SYT2: variants seen among roughly 807,000 people sequenced by gnomAD.
SYT2 encodes the protein synaptotagmin-2.
Under a neutral mutation model 39.9 loss-of-function variants are expected in SYT2, and 15 were observed. The ratio of observed to expected loss-of-function variants is 0.38; its 90% CI spans 0.25 to 0.58. The LOEUF is 0.58. SYT2 is among the 20% of genes least tolerant of loss of function. The pLI, the probability that SYT2 is intolerant of heterozygous loss-of-function variation, is 0.70. For missense variants in SYT2, 389 were observed against 530.3 expected, an observed-to-expected ratio of 0.73 and a Z score of 2.62; for synonymous variants, 181 against 204.5, an observed-to-expected ratio of 0.89 and a Z score of 0.98.
In SYT2 at chr1:202,623,514, G is replaced by A. The variant is rs1020765631; in HGVS notation, c.-17-17725C>T. 2.6e-5 allele frequency among the ~76,000 whole-genome samples: 4 copies of A among 152,254 alleles called. No individual in the cohort carries two copies. The highest frequency in any genetic ancestry group is 9.6e-5 in the African/African-American group (4 of 41,462). On this transcript the variant is annotated intron_variant, in intron 1 of 8. Transcript: ENST00000367268. This position sits in a 1 kb window ranked among gnomAD's most constrained non-coding sequence, Gnocchi z 4.2. ...CAGCTGTCCTGGGGCGGAGGAGAGG[G>A]TCTTCCATTGGTTGGGTGTCAAGAT...
rs1380621171 is a variant in SYT2, at chr1:202,601,020, A to G, written c.802-546T>C. ...CGGAGCAATTTGCATCCCTTTTGTT[A>G]CTATCACTGCAACTCTTTGATGTAA... On this transcript the variant is annotated intron_variant, in intron 6 of 8. Transcript: ENST00000367268. The surrounding 1 kb of genome is among the most constrained non-coding windows in gnomAD (Gnocchi z 4.0). Among the ~76,000 whole-genome samples, 7 of 152,140 alleles carry G rather than the reference A, an allele frequency of 4.6e-5. No homozygotes were observed. Among genetic ancestry groups the G allele is most frequent in the Admixed American group, 3.3e-4 (5 of 15,278 alleles).
intron 1 of SYT2, among the ~76,000 whole-genome samples, chr1:202,697,392 C>G (rs1343833219): frequency 6.6e-6 from 1 of 152,258 alleles, no homozygotes. Flanking sequence ...GAGGGAGGCA[C>G]CTCTGCCCAT....
intron 1 of SYT2, among the ~76,000 whole-genome samples, chr1:202,706,243 G>A (rs1167503742): frequency 2.6e-5 from 4 of 152,008 alleles, no homozygotes; most frequent in Admixed American, 6.6e-5. Flanking sequence ...CATAAAAACC[G>A]TCTTCGAGTG....
At chr1:202,639,241 C>G (rs1333428614) in intron 1 of SYT2, among the ~76,000 whole-genome samples, 5 of 152,202 alleles carry the variant, frequency 3.3e-5, no homozygotes, top group Non-Finnish European at 2.9e-5. Context: ...ACCCCATGAT[C>G]TCAGTATCTA....
In SYT2 at chr1:202,687,245, G is replaced by A. The variant is rs572790915; in HGVS notation, c.-18+23013C>T. On this transcript the variant is annotated intron_variant, in intron 1 of 8. Coordinates refer to ENST00000367268, the MANE Select transcript of SYT2 (RefSeq NM_177402.5). ...TCCCCTCTGAGTCCCCTCCCCCTACGACCCAGCCCCTGGTTTTCTTATCAC... is the reference window on the plus strand; with the variant it reads ...TCCCCTCTGAGTCCCCTCCCCCTACAACCCAGCCCCTGGTTTTCTTATCAC... Among the ~76,000 whole-genome samples the A allele has an allele frequency of 2.6e-5, 4 of 151,928 alleles. No homozygotes were observed. In the East Asian group the frequency reaches 5.8e-4, roughly 22 times the overall value.
intron 1 of SYT2, among the ~76,000 whole-genome samples, chr1:202,648,950 G>A (rs1692141265): frequency 6.6e-6 from 1 of 152,226 alleles, no homozygotes; most frequent in South Asian, 2.1e-4. Flanking sequence ...TGAAAGAGCT[G>A]TCTCAAGAGC....
In SYT2 at chr1:202,630,545, G is replaced by A. The variant is rs141307488; in HGVS notation, c.-17-24756C>T. The A allele has an allele frequency of 4.8e-3, 1,050 of 216,690 alleles. 6 individuals are homozygous for A. The highest frequency in any genetic ancestry group is 6.2e-3 in the Non-Finnish European group (785 of 126,966). 13.4% of individuals were successfully genotyped at this position (216,690 alleles called of 1,614,324 possible). ...GCTGGCCACTTTCCAGGCAAGAGACGTCCACCTGGGTGGGTGTCTGACAAA... is the reference window on the plus strand; with the variant it reads ...GCTGGCCACTTTCCAGGCAAGAGACATCCACCTGGGTGGGTGTCTGACAAA... On this transcript the variant is annotated intron_variant, in intron 1 of 8. Transcript: ENST00000367268.
intron 1 of SYT2, among the ~76,000 whole-genome samples, chr1:202,689,685 CT>C (rs1653770007): frequency 6.6e-6 from 1 of 152,040 alleles, no homozygotes; most frequent in Admixed American, 6.5e-5. Context: ...CAGGGTTTAA[CT>C]CATTCTCTGT....
rs377173034 is a variant in SYT2, at chr1:202,618,117, G to A, written c.-17-12328C>T. ...GGGTTTCACCATGTTGGCCAGGCTG[G>A]TCTCGAACTCCTGACCTCAAGTAAT... is the stretch of plus-strand genomic sequence containing the variant. On this transcript the variant is annotated intron_variant, in intron 1 of 8. Coordinates refer to ENST00000367268, the MANE Select transcript of SYT2 (RefSeq NM_177402.5). Among the ~76,000 whole-genome samples, 9 of 152,228 alleles carry A rather than the reference G, an allele frequency of 5.9e-5. 1 individual carries two copies. Among genetic ancestry groups the A allele is most frequent in the East Asian group, 3.9e-4 (2 of 5,178 alleles).
intron 1 of SYT2, among the ~76,000 whole-genome samples, chr1:202,697,359 T>C (rs1395525096): frequency 2.6e-5 from 4 of 152,156 alleles, no homozygotes; most frequent in African/African-American, 9.7e-5. Flanking sequence ...TTCAATTTCA[T>C]CCCCACTTTC....
intron 1 of SYT2, among the ~76,000 whole-genome samples, chr1:202,674,426 C>T (rs1653294209): frequency 6.6e-6 from 1 of 152,104 alleles, no homozygotes; most frequent in Admixed American, 6.6e-5. Flanking sequence ...TATGCATATA[C>T]CCCAGTGTTA....
intron 1 of SYT2, among the ~76,000 whole-genome samples, chr1:202,653,050 A>G (rs1050066901): frequency 6.8e-6 from 1 of 146,546 alleles, no homozygotes; most frequent in Non-Finnish European, 1.5e-5. Flanking sequence ...CCCCTCCCTG[A>G]TGGTGTAAGT....
chr1:202,644,821 C>A (rs1474588601), intron 1 of SYT2, among the ~76,000 whole-genome samples: 1 of 152,168 alleles, frequency 6.6e-6, no homozygotes, highest in Non-Finnish European at 1.5e-5. Context: ...GTGAATCCCC[C>A]TTCTTCCCCT....
intron 1 of SYT2, among the ~76,000 whole-genome samples, chr1:202,699,052 C>G (rs1378118314): frequency 7.8e-6 from 1 of 128,874 alleles, no homozygotes; most frequent in Non-Finnish European, 1.6e-5. Flanking sequence ...GGGTCTTGCT[C>G]TGTTGCCCAG....
chr1:202,601,866 A>G lies in SYT2; in HGVS notation c.801+24T>C, dbSNP rs1221155333. The G allele has an allele frequency of 1.2e-6, 2 of 1,608,044 alleles. No individual in the cohort carries two copies. The highest frequency in any genetic ancestry group is 1.7e-6 in the Non-Finnish European group (2 of 1,176,620). ...ACCTGTACATTCGTCTTTCTGCCCA[A>G]CCTGGCCTCATCTCTGCTCTTACCT... On this transcript the variant is annotated intron_variant, in intron 6 of 8. Coordinates refer to ENST00000367268, the MANE Select transcript of SYT2 (RefSeq NM_177402.5). The surrounding 1 kb of genome is among the most constrained non-coding windows in gnomAD (Gnocchi z 4.0).
At position 202,660,238 on chromosome 1, in the gene SYT2, A is replaced by AC. The variant is rs577876237; in HGVS notation, c.-18+50019dup. 1.1e-3 allele frequency among the ~76,000 whole-genome samples: 169 copies of AC among 152,332 alleles called. 1 individual carries two copies. Among genetic ancestry groups the AC allele is most frequent in the African/African-American group, 3.8e-3 (156 of 41,578 alleles). On this transcript the variant is annotated intron_variant, in intron 1 of 8. Coordinates refer to ENST00000367268, the MANE Select transcript of SYT2 (RefSeq NM_177402.5). ...GTACAGTGTGATATATACAAGCTGG[A>AC]CTTCGGTCCTGACTATGCTACCTTT...
rs1553338299 is a variant in SYT2, at chr1:202,629,878, G to GGGGT, written c.-17-24090_-17-24089insACCC. The stretch of plus-strand genomic sequence containing the variant: ...CAGCAGGCAGCTGGTGGGGGGGGGG[G>GGGGT]GGTGGTACGGCAGGTGTGTTGCTCA... On this transcript the variant is annotated intron_variant, in intron 1 of 8. Transcript: ENST00000367268. Among the ~76,000 whole-genome samples the GGGGT allele has an allele frequency of 4.1e-3, 493 of 119,350 alleles. 27 individuals carry two copies. The highest frequency in any genetic ancestry group is 0.016 in the African/African-American group (464 of 29,724). The allele number at this position is 119,350 out of a possible 152,430, so 78.3% of individuals were successfully genotyped here.
chr1:202,633,007 A>C (rs1268438043), intron 1 of SYT2: 1 of 152,248 alleles, frequency 6.6e-6, no homozygotes, highest in Non-Finnish European at 1.5e-5. Context: ...GAAGTAAGGA[A>C]TATGGACTAA....
intron 1 of SYT2, among the ~76,000 whole-genome samples, chr1:202,707,320 CCTGT>C (rs1459144641): frequency 2.0e-5 from 3 of 152,290 alleles, no homozygotes; most frequent in Non-Finnish European, 4.4e-5. Context: ...TGAACCCAGG[CCTGT>C]CTATCTCCTA....
Sources: gnomAD v4.1 joint callset for allele counts (sites outside exome capture counted in the v4.1 genomes callset) on GRCh38, gnomAD v4.1.1 for gene constraint, Gnocchi (gnomAD v3.1) non-coding constraint, MANE v1.5 for transcripts, NCBI Gene and HGNC (gene_info 2026-07-23, HGNC 2026-07-21) for gene names.